The following ANKRD27 variants were observed in gnomAD, a reference collection of about 807,000 sequenced individuals.
ANKRD27 encodes the protein ankyrin repeat domain-containing protein 27.
Under a neutral mutation model 129.7 loss-of-function variants are expected in ANKRD27, and 112 were observed. The observed-to-expected ratio is 0.86, with a 90% confidence interval of 0.74 to 1.01. ANKRD27 has a LOEUF of 1.01. Among genes scored for constraint, ANKRD27 ranks in the 50% least tolerant of loss-of-function variants. The pLI is 0.00. For synonymous variants in ANKRD27, 516 were observed against 511.2 expected (o/e 1.01, Z -0.13); for missense variants, 1,258 against 1,300.5 (o/e 0.97, Z 0.50).
At chr19:32,624,792 T>C (rs1174409048) in intron 17 of ANKRD27, among the ~76,000 whole-genome samples, 2 of 151,404 alleles carry the variant, frequency 1.3e-5, no homozygotes, top group Non-Finnish European at 2.9e-5. Flanking sequence ...ATATAAAAAT[T>C]AGCCAGGCAT....
At position 32,628,777 on chromosome 19, in the gene ANKRD27, G is replaced by A. The variant is rs766405589; in HGVS notation, c.1282C>T (p.Gln428Ter). The A allele has an allele frequency of 6.2e-7, 1 of 1,614,092 alleles. No homozygotes were observed. The highest frequency in any genetic ancestry group is 1.1e-5 in the South Asian group (1 of 91,076). The change falls in exon 14 of 29, where the codon CAA becomes TAA. Residue 428 changes from glutamine to a stop codon, truncating the protein, a stop_gained. Coordinates refer to ENST00000306065, the MANE Select transcript of ANKRD27 (RefSeq NM_032139.3). LOFTEE classifies it high-confidence loss of function. The stretch of plus-strand genomic sequence containing the variant: ...AAGCAGAGAGGGTGACACATCTTTT[G>A]GACGGTATCTTTATCATGGTCCTCT... ...SQEDHDKDTV[Q>*]KMCHPLCFCD... is the part of the protein sequence containing the mutation.
chr19:32,628,977 A>G (rs6510274), intron 13 of ANKRD27, 128 bp from the exon 14 acceptor site: 650,122 of 973,294 alleles, frequency 0.67, 219,777 homozygotes, highest in African/African-American at 0.8. Context: ...CTGGAGTGCA[A>G]TGGTGTGATC....
chr19:32,674,341 T>C (rs988264433), intron 1 of ANKRD27, among the ~76,000 whole-genome samples: 20 of 152,118 alleles, frequency 1.3e-4, no homozygotes, highest in African/African-American at 4.8e-4. Context: ...CCTCGTTCCC[T>C]GCATGCTCTA....
At chr19:32,636,849 G>A (rs1287451720) in intron 12 of ANKRD27, among the ~76,000 whole-genome samples, 1 of 151,880 alleles carries the variant, frequency 6.6e-6, no homozygotes, top group Non-Finnish European at 1.5e-5. Context: ...CCGGATTAAT[G>A]CAATTCTCCT....
At chr19:32,627,169 G>C (rs1966899094) in intron 15 of ANKRD27, among the ~76,000 whole-genome samples, 3 of 151,906 alleles carry the variant, frequency 2.0e-5, no homozygotes, top group Admixed American at 2.0e-4. Context: ...ACATATTCTT[G>C]CATAGTGCTA....
intron 22 of ANKRD27, among the ~76,000 whole-genome samples, chr19:32,613,212 A>G (rs1025943282): frequency 1.3e-5 from 2 of 152,252 alleles, no homozygotes; most frequent in Non-Finnish European, 2.9e-5. Flanking sequence ...ATGCAAATTA[A>G]GGCCACACTG....
In ANKRD27 at chr19:32,615,708, C is replaced by T. The variant is rs750530864; in HGVS notation, c.2125G>A (p.Glu709Lys). The change falls in exon 22 of 29, where the codon GAA (glutamate) becomes AAA (lysine). Residue 709 changes from glutamate (E) to lysine (K), a missense_variant. Physicochemically the swap from Glu to Lys is moderately conservative, Grantham distance 56. Coordinates refer to ENST00000306065, the MANE Select transcript of ANKRD27 (RefSeq NM_032139.3). The part of the protein sequence containing the change: ...AEDTVSAADP[E>K]FCHPLCQCPK... ...CACTGGCACAACGGGTGACAGAATT[C>T]GGGGTCCGCTGCACTGACAGTGTCC... 1.7e-5 allele frequency: 28 copies of T among 1,614,098 alleles called. No individual in the cohort carries two copies. In the Admixed American group the frequency reaches 1.8e-4, roughly 11 times the overall value.
At chr19:32,663,731 T>C (rs960711155) in intron 1 of ANKRD27, among the ~76,000 whole-genome samples, 12 of 152,266 alleles carry the variant, frequency 7.9e-5, no homozygotes, top group Middle Eastern at 3.4e-3. Context: ...AAATACACAA[T>C]GTCATTTTAA....
At chr19:32,673,576 G>A (rs1041879480) in intron 1 of ANKRD27, 6 of 433,638 alleles carry the variant, frequency 1.4e-5, no homozygotes, top group South Asian at 9.7e-5. Flanking sequence ...AGCTTCCCCC[G>A]AAGGGAAAGA....
In ANKRD27 at chr19:32,671,005, T is replaced by A. The variant is rs114306233; in HGVS notation, c.-31+4066A>T. On this transcript the variant is annotated intron_variant, in intron 1 of 28. Coordinates refer to ENST00000306065, the MANE Select transcript of ANKRD27 (RefSeq NM_032139.3). ...CATTTCAAAAAATGACAAAAAAAAA[T>A]CTGTAATATGCCAGGTGCAGTGGCT... 3.3e-5 allele frequency among the ~76,000 whole-genome samples: 5 copies of A among 151,380 alleles called. No homozygotes were observed. In the East Asian group the frequency reaches 9.7e-4, roughly 29 times the overall value.
At chr19:32,632,106 T>C (rs780338409) in intron 12 of ANKRD27, among the ~76,000 whole-genome samples, 22 of 152,214 alleles carry the variant, frequency 1.4e-4, no homozygotes, top group South Asian at 4.1e-4. Context: ...CTGGCCAACA[T>C]GGTGAAACCA....
chr19:32,604,939 G>A (rs530123313), intron 24 of ANKRD27, among the ~76,000 whole-genome samples: 2 of 152,170 alleles, frequency 1.3e-5, no homozygotes, highest in East Asian at 3.9e-4. Flanking sequence ...GGGCATGGTG[G>A]TGGGCGCCTG....
chr19:32,628,854 A>G lies in ANKRD27; in HGVS notation c.1210-5T>C, dbSNP rs1966938562. ...CTGGTTACCTGATGCAATGTGCTGA[A>G]AAGTGACATCCAAGATGCTATCCAC... is the stretch of plus-strand genomic sequence containing the variant. On this transcript the variant is annotated splice_region_variant and splice_polypyrimidine_tract_variant and intron_variant, in intron 13 of 28. Transcript: ENST00000306065. 3.1e-6 allele frequency: 5 copies of G among 1,614,034 alleles called. No individual in the cohort carries two copies. Among genetic ancestry groups the G allele is most frequent in the Non-Finnish European group, 3.4e-6 (4 of 1,179,960 alleles).
intron 25 of ANKRD27, among the ~76,000 whole-genome samples, chr19:32,603,084 G>A (rs892858971): frequency 6.6e-6 from 1 of 152,050 alleles, no homozygotes; most frequent in Non-Finnish European, 1.5e-5. Flanking sequence ...GGATCAGTTA[G>A]GTCAGGTGTT....
chr19:32,616,712 C>T (rs1170633907), intron 21 of ANKRD27, among the ~76,000 whole-genome samples: 1 of 152,098 alleles, frequency 6.6e-6, no homozygotes, highest in Non-Finnish European at 1.5e-5. Flanking sequence ...CTTCAAGCCA[C>T]GACATTCTCT....
intron 1 of ANKRD27, among the ~76,000 whole-genome samples, chr19:32,668,799 A>T (rs1471407897): frequency 6.6e-6 from 1 of 151,890 alleles, no homozygotes; most frequent in Non-Finnish European, 1.5e-5. Context: ...TGCCCAAGTG[A>T]TCCTCCTGCC....
chr19:32,601,458 G>A (rs911011636), intron 26 of ANKRD27, among the ~76,000 whole-genome samples: 5 of 151,670 alleles, frequency 3.3e-5, no homozygotes, highest in African/African-American at 7.3e-5. Context: ...AATTAGCTGG[G>A]CGTGGTGGCT....
In ANKRD27 at chr19:32,643,161, A is replaced by T; in HGVS notation, c.744T>A (p.Asp248Glu). ...TCACACCAATATCTTTCTGCTGAAGATCTTGAAGGCTTCTTGTGATTTTGT... is the reference window on the plus strand; with the variant it reads ...TCACACCAATATCTTTCTGCTGAAGTTCTTGAAGGCTTCTTGTGATTTTGT... ...AFNKITRSLQ[D>E]LQQKDIGVKP... The change falls in exon 9 of 29, where the codon GAT (aspartate) becomes GAA (glutamate). Residue 248 changes from aspartate to glutamate, a missense_variant. Coordinates refer to ENST00000306065, the MANE Select transcript of ANKRD27 (RefSeq NM_032139.3). The T allele has an allele frequency of 6.2e-7, 1 of 1,614,004 alleles. No individual in the cohort carries two copies. The highest frequency in any genetic ancestry group is 8.5e-7 in the Non-Finnish European group (1 of 1,180,026).
Position 32,609,822 on chromosome 19 carries a change from T to G in ANKRD27, c.2176-1990A>C, listed in dbSNP as rs1028316258. 1.1e-4 allele frequency among the ~76,000 whole-genome samples: 12 copies of G among 107,340 alleles called. 1 individual carries two copies. The East Asian group carries it at 2.7e-3, about 24-fold the overall frequency. The allele number at this position is 107,340 out of a possible 152,430, so 70.4% of individuals were successfully genotyped here. On this transcript the variant is annotated intron_variant, in intron 22 of 28. Transcript: ENST00000306065. ...TACATATGCTTTATGTAAATATAAA[T>G]TATATAAATTATAATGTATATAATT...
Sources: allele counts gnomAD v4.1 joint callset (sites outside exome capture counted in the v4.1 genomes callset), GRCh38; gene constraint gnomAD v4.1.1; transcripts MANE v1.5; gene names NCBI Gene and HGNC (gene_info 2026-07-23, HGNC 2026-07-21).